CD300A: variants seen among roughly 807,000 people sequenced by gnomAD.
CD300A encodes the protein CMRF35-like molecule 8.
In CD300A, 22 loss-of-function variants were observed where a neutral mutation model predicts 33.6. The ratio of observed to expected loss-of-function variants is 0.66; its 90% CI spans 0.47 to 0.94. The LOEUF is 0.94. CD300A is among the 40% of genes least tolerant of loss of function. The probability of loss-of-function intolerance (pLI) is 0.00; values close to 1 mark genes in which losing one functional copy is unlikely to be tolerated. For missense variants in CD300A, 326 were observed against 360.5 expected (o/e 0.90, Z 0.77); for synonymous variants, 136 against 148.1 (o/e 0.92, Z 0.59).
In CD300A at chr17:74,473,714, C is replaced by G; in HGVS notation, c.219C>G (p.Gly73=). The G allele has an allele frequency of 6.2e-7, 1 of 1,614,234 alleles. No homozygotes were observed. The highest frequency in any genetic ancestry group is 8.5e-7 in the Non-Finnish European group (1 of 1,180,040). Residue 73 remains glycine (G), a synonymous_variant, in exon 2 of 7, where the codon GGC becomes GGG. Coordinates refer to ENST00000360141, the MANE Select transcript of CD300A (RefSeq NM_007261.4). ...AAGGGTCAGCAGGAAAAAGGAACGGCCGAGTGTCCATCAGGGACAGTCCTG... is the reference window on the plus strand; with the variant it reads ...AAGGGTCAGCAGGAAAAAGGAACGGGCGAGTGTCCATCAGGGACAGTCCTG... The part of the protein sequence containing the change: ...ETKGSAGKRN[G]RVSIRDSPAN...
chr17:74,466,473 G>A (rs1483924900), upstream of CD300A: 1 of 592,332 alleles, frequency 1.7e-6, no homozygotes, highest in Non-Finnish European at 3.0e-6. Flanking sequence ...AGAACCTGCA[G>A]CCTCAACCAG....
Position 74,477,544 on chromosome 17 carries a change from C to T in CD300A, c.628+14C>T, listed in dbSNP as rs1906553367. The T allele has an allele frequency of 6.3e-7, 1 of 1,595,612 alleles. No individual in the cohort carries two copies. The highest frequency in any genetic ancestry group is 8.6e-7 in the Non-Finnish European group (1 of 1,164,704). ...AATGGATCAAAGGTGAGTTGGCTCCCCACACCCCTCTGCCCCACCTGGGGT... is the reference window on the plus strand; with the variant it reads ...AATGGATCAAAGGTGAGTTGGCTCCTCACACCCCTCTGCCCCACCTGGGGT... On this transcript the variant is annotated intron_variant, in intron 4 of 6. Coordinates refer to ENST00000360141, the MANE Select transcript of CD300A (RefSeq NM_007261.4).
rs149173593 is a variant in CD300A, at chr17:74,482,245, G to A, written c.774+412G>A. Among the ~76,000 whole-genome samples, 697 of 152,178 alleles carry A rather than the reference G, an allele frequency of 4.6e-3. 4 individuals are homozygous for A. The highest frequency in any genetic ancestry group is 0.016 in the African/African-American group (668 of 41,518). ...GGGCGCAGCCACCTTCAACTGGGAT[G>A]ATGGGATGGGGGCTGCCTCCCTGGG... is the stretch of plus-strand genomic sequence containing the variant. On this transcript the variant is annotated intron_variant, in intron 6 of 6. Coordinates refer to ENST00000360141, the MANE Select transcript of CD300A (RefSeq NM_007261.4).
chr17:74,473,401 G>T, intron 1 of CD300A, 135 bp from the exon 2 acceptor site: 1 of 779,480 alleles, frequency 1.3e-6, no homozygotes, highest in Non-Finnish European at 2.1e-6. Flanking sequence ...CTCAGTCCCC[G>T]CTCCTGGGTG....
At chr17:74,466,421 G>T, upstream of CD300A, 1 of 485,656 alleles carries the variant, frequency 2.1e-6, no homozygotes, top group Non-Finnish European at 3.7e-6. Context: ...TGCAAGCTAC[G>T]GAGTCACTAC....
At chr17:74,469,932 T>C (rs1210140385) in intron 1 of CD300A, 1 of 983,798 alleles carries the variant, frequency 1.0e-6, no homozygotes, top group African/African-American at 1.7e-5. Flanking sequence ...CACTGATTTC[T>C]GTGAATTCAC....
At chr17:74,478,293 G>C (rs1906614509) in intron 4 of CD300A, among the ~76,000 whole-genome samples, 1 of 152,234 alleles carries the variant, frequency 6.6e-6, no homozygotes, top group Non-Finnish European at 1.5e-5. Context: ...TTGGGAACCA[G>C]ACTGTCATTG....
At chr17:74,481,680 C>A in intron 5 of CD300A, 46 bp from the exon 6 acceptor site, 2 of 1,375,560 alleles carry the variant, frequency 1.5e-6, no homozygotes, top group Non-Finnish European at 1.0e-6. Context: ...GGGACAGAGG[C>A]TGCAGGGCTC....
chr17:74,474,461 A>G lies in CD300A; in HGVS notation c.380-71A>G. 11 of 1,520,860 alleles carry G rather than the reference A, an allele frequency of 7.2e-6. 1 individual carries two copies. The South Asian group carries it at 8.4e-5, about 12-fold the overall frequency. The allele number at this position is 1,520,860 out of a possible 1,614,324, so 94.2% of individuals were successfully genotyped here. On this transcript the variant is annotated intron_variant, in intron 2 of 6. Coordinates refer to ENST00000360141, the MANE Select transcript of CD300A (RefSeq NM_007261.4). ...TGGGCAGTTTGTGTGAAATCAAACC[A>G]AAAAGGCATCCTGAGTGGTGGGAGA... is the stretch of plus-strand genomic sequence containing the variant.
chr17:74,466,551 C>G, upstream of CD300A: 1 of 852,378 alleles, frequency 1.2e-6, no homozygotes, highest in South Asian at 1.7e-5. Context: ...CATTTTCTGA[C>G]CGGCTCCAGG....
chr17:74,471,005 G>T (rs1018016534), intron 1 of CD300A, among the ~76,000 whole-genome samples: 70 of 152,176 alleles, frequency 4.6e-4, no homozygotes, highest in African/African-American at 1.7e-3. Context: ...GAAGTGCAGT[G>T]ATGCGATCAT....
At chr17:74,469,121 C>G (rs1905920983) in intron 1 of CD300A, among the ~76,000 whole-genome samples, 1 of 151,940 alleles carries the variant, frequency 6.6e-6, no homozygotes, top group Non-Finnish European at 1.5e-5. Context: ...TTATTTGTTC[C>G]TTGAAGTTTT....
intron 1 of CD300A, among the ~76,000 whole-genome samples, chr17:74,470,398 A>C (rs749408384): frequency 6.6e-6 from 1 of 152,048 alleles, no homozygotes; most frequent in Non-Finnish European, 1.5e-5. Flanking sequence ...AGAGAGAGAA[A>C]GAGAGAGAGC....
chr17:74,472,695 C>T (rs574193677), intron 1 of CD300A, among the ~76,000 whole-genome samples: 5 of 151,846 alleles, frequency 3.3e-5, no homozygotes, highest in African/African-American at 9.7e-5. Context: ...ACATAACCTC[C>T]GCCTCCAGGG....
Position 74,466,698 on chromosome 17 carries a change from G to A in CD300A, c.-6G>A, listed in dbSNP as rs766938606. The A allele has an allele frequency of 1.9e-6, 3 of 1,595,114 alleles. No individual in the cohort carries two copies. The African/African-American group carries it at 4.0e-5, about 21-fold the overall frequency. On this transcript the variant is annotated 5_prime_UTR_variant, in exon 1 of 7. Coordinates refer to ENST00000360141, the MANE Select transcript of CD300A (RefSeq NM_007261.4). ...TGCAAGTGCCGCCTGTGCTGGGGAA[G>A]GGACCATGTGGCTGCCTTGGGCTCT...
chr17:74,477,621 C>A, intron 4 of CD300A, 91 bp downstream of exon 4: 1 of 810,086 alleles, frequency 1.2e-6, no homozygotes. Flanking sequence ...CCACGTCCCA[C>A]AGTATTGCTA....
At chr17:74,474,505 G>A in intron 2 of CD300A, 27 bp from the exon 3 acceptor site, 1 of 1,611,922 alleles carries the variant, frequency 6.2e-7, no homozygotes, top group South Asian at 1.1e-5. Flanking sequence ...ACAGCTCCCT[G>A]GGTCTGACTT....
Position 74,473,853 on chromosome 17 carries a change from G to A in CD300A, c.358G>A (p.Val120Ile). 1.2e-6 allele frequency: 2 copies of A among 1,611,216 alleles called. No homozygotes were observed. The highest frequency in any genetic ancestry group is 1.7e-6 in the Non-Finnish European group (2 of 1,177,484). Residue 120 changes from valine to isoleucine, a missense_variant, in exon 2 of 7, where the codon GTT (valine) becomes ATT (isoleucine). Physicochemically the swap from Val to Ile is conservative, Grantham distance 29. Transcript: ENST00000360141. ...LRDFHDPVVE[V>I]EVSVFPASTS... The stretch of plus-strand genomic sequence containing the variant: ...AGACTTTCATGATCCCGTTGTCGAG[G>A]TTGAGGTGTCCGTGTTCCCGGGTGA...
chr17:74,467,164 G>T (rs1905771401), intron 1 of CD300A, among the ~76,000 whole-genome samples: 1 of 143,560 alleles, frequency 7.0e-6, no homozygotes, highest in Non-Finnish European at 1.5e-5. Flanking sequence ...TGGAGGAGGG[G>T]GGTGTGGGGA....
Sources: allele counts gnomAD v4.1 joint callset (sites outside exome capture counted in the v4.1 genomes callset), GRCh38; gene constraint gnomAD v4.1.1; transcripts MANE v1.5; gene names NCBI Gene and HGNC (gene_info 2026-07-23, HGNC 2026-07-21).